Variants in MEI4 observed in about 807,000 individuals in gnomAD.
The protein encoded by MEI4 is meiosis-specific protein MEI4.
A neutral mutation model predicts 31.4 loss-of-function variants in MEI4; 27 were observed. The ratio of observed to expected loss-of-function variants is 0.86; its 90% CI spans 0.63 to 1.19. The LOEUF is 1.19. Ranked by LOEUF, MEI4 falls within the 50% of genes most tolerant of loss-of-function variation. MEI4 has a pLI of 0.00. For missense variants in MEI4, 329 were observed against 398.9 expected (o/e 0.82, Z 1.49); for synonymous variants, 122 against 145.4 (o/e 0.84, Z 1.16).
chr6:77,690,359 T>G (rs1356239502), intron 1 of MEI4, among the ~76,000 whole-genome samples: 1 of 152,068 alleles, frequency 6.6e-6, no homozygotes, highest in Non-Finnish European at 1.5e-5. Context: ...TCTGATACGT[T>G]TCTCTGGTTA....
At chr6:77,918,201 T>TGATG (rs1766612883) in intron 4 of MEI4, among the ~76,000 whole-genome samples, 2 of 152,054 alleles carry the variant, frequency 1.3e-5, no homozygotes, top group Non-Finnish European at 2.9e-5. Context: ...TCAGGTAGTA[T>TGATG]GATGGCTCCA....
chr6:77,746,722 G>T (rs10943488), intron 2 of MEI4, among the ~76,000 whole-genome samples: 31,041 of 151,346 alleles, frequency 0.21, 3,534 homozygotes, highest in African/African-American at 0.3. Flanking sequence ...CCTAATAAAG[G>T]TGTCAAAGTT....
chr6:77,754,784 C>T (rs552790780), intron 2 of MEI4, among the ~76,000 whole-genome samples: 2 of 151,982 alleles, frequency 1.3e-5, no homozygotes, highest in East Asian at 1.9e-4. Context: ...TTCTTACATG[C>T]GGAGAGAGAG....
intron 2 of MEI4, among the ~76,000 whole-genome samples, chr6:77,709,317 G>C (rs966318394): frequency 2.0e-5 from 3 of 152,122 alleles, no homozygotes; most frequent in African/African-American, 7.2e-5. Flanking sequence ...ACAAAGATTA[G>C]GTTGCATTTG....
intron 3 of MEI4, among the ~76,000 whole-genome samples, chr6:77,821,135 C>G (rs1159142856): frequency 6.6e-6 from 1 of 151,632 alleles, no homozygotes. Flanking sequence ...GTTTTTCTTT[C>G]TTTTTTGGTA....
chr6:77,650,524 A>G (rs1348434680), upstream of MEI4, among the ~76,000 whole-genome samples: 1 of 152,198 alleles, frequency 6.6e-6, no homozygotes. Context: ...CGCCTGCTCC[A>G]GGGCTCCCGT....
rs1462229078 is a variant in MEI4, at chr6:77,687,865, G to A, written c.-14-2793G>A. 3.3e-5 allele frequency among the ~76,000 whole-genome samples: 5 copies of A among 152,106 alleles called. No homozygotes were observed. In the South Asian group the frequency reaches 1.0e-3, roughly 32 times the overall value. The stretch of plus-strand genomic sequence containing the variant: ...GCTCTCTGAATCCCATTGATTGGGG[G>A]TTTTATGGAGATTTCATCAAAAAAG... On this transcript the variant is annotated intron_variant, in intron 1 of 4. Transcript: ENST00000684080.
At chr6:77,896,146 A>C (rs766442662) in intron 4 of MEI4, among the ~76,000 whole-genome samples, 1 of 150,496 alleles carries the variant, frequency 6.6e-6, no homozygotes, top group Non-Finnish European at 1.5e-5. Flanking sequence ...ACAGTTTTTG[A>C]ACACTAACTA....
At chr6:77,812,894 A>G (rs1769608724) in intron 3 of MEI4, among the ~76,000 whole-genome samples, 1 of 151,924 alleles carries the variant, frequency 6.6e-6, no homozygotes, top group East Asian at 1.9e-4. Flanking sequence ...CCAAAGGGGA[A>G]AATTAGGGAA....
At chr6:77,713,710 C>T (rs551655996) in intron 2 of MEI4, among the ~76,000 whole-genome samples, 30 of 152,224 alleles carry the variant, frequency 2.0e-4, no homozygotes, top group African/African-American at 7.0e-4. Flanking sequence ...TTCTCGATTC[C>T]GTTTCTGTAT....
intron 2 of MEI4, among the ~76,000 whole-genome samples, chr6:77,746,273 G>A (rs1767600044): frequency 2.0e-5 from 3 of 151,972 alleles, no homozygotes; most frequent in South Asian, 2.1e-4. Context: ...GACACATTCT[G>A]TGTGTCTTTA....
chr6:77,771,130 A>C (rs763804986), intron 3 of MEI4, among the ~76,000 whole-genome samples: 9 of 152,156 alleles, frequency 5.9e-5, no homozygotes, highest in Non-Finnish European at 1.2e-4. Context: ...GGAAAAGGAC[A>C]TGAATCGACA....
intron 2 of MEI4, among the ~76,000 whole-genome samples, chr6:77,752,993 A>C (rs1250750284): frequency 6.6e-6 from 1 of 152,196 alleles, no homozygotes; most frequent in Non-Finnish European, 1.5e-5. Flanking sequence ...CAAAAACAAG[A>C]AATGGGGAAA....
rs573205401 is a variant in MEI4 at position 77,906,353 on chromosome 6, T to C, written c.901-16736T>C. ...GAAAGATCATGCCTTATGGGGTGGG[T>C]GTGTACAGCGGTGCTTGCTAGTTGG... On this transcript the variant is annotated intron_variant, in intron 4 of 4. Transcript: ENST00000684080. Among the ~76,000 whole-genome samples, 93 of 152,182 alleles carry C rather than the reference T, an allele frequency of 6.1e-4. 1 individual carries two copies. The highest frequency in any genetic ancestry group is 2.1e-3 in the African/African-American group (89 of 41,530).
chr6:77,692,675 G>A (rs764752326), intron 2 of MEI4, among the ~76,000 whole-genome samples: 5 of 151,976 alleles, frequency 3.3e-5, no homozygotes, highest in Non-Finnish European at 7.4e-5. Flanking sequence ...GCAGTATTTA[G>A]GGTAATACCT....
At chr6:77,734,685 A>G (rs567273452) in intron 2 of MEI4, among the ~76,000 whole-genome samples, 4 of 148,914 alleles carry the variant, frequency 2.7e-5, no homozygotes. Flanking sequence ...TCATTATGTT[A>G]GCTGGTTATT....
chr6:77,878,648 C>T (rs1771402515), intron 4 of MEI4, among the ~76,000 whole-genome samples: 2 of 106,350 alleles, frequency 1.9e-5, no homozygotes, highest in Admixed American at 9.7e-5. Context: ...CTGTTGTATT[C>T]TGTTTCCTTT....
intron 2 of MEI4, among the ~76,000 whole-genome samples, chr6:77,755,827 T>G (rs1401174772): frequency 7.6e-6 from 1 of 131,932 alleles, no homozygotes; most frequent in Non-Finnish European, 1.6e-5. Flanking sequence ...GCTGGAATGG[T>G]GTGTGTGTGT....
chr6:77,875,671 C>T (rs1363098042), intron 4 of MEI4, among the ~76,000 whole-genome samples: 1 of 152,056 alleles, frequency 6.6e-6, no homozygotes, highest in Admixed American at 6.6e-5. Context: ...TTGTTTTATA[C>T]TAAATAAATA....
Sources: allele counts gnomAD v4.1 joint callset (sites outside exome capture counted in the v4.1 genomes callset), GRCh38; gene constraint gnomAD v4.1.1; transcripts MANE v1.5; gene names NCBI Gene and HGNC (gene_info 2026-07-23, HGNC 2026-07-21).